Variants in SFRP1 observed in about 807,000 individuals in gnomAD.
SFRP1 encodes secreted frizzled-related protein 1.
Under a neutral mutation model 25.9 loss-of-function variants are expected in SFRP1, and 9 were observed. The ratio of observed to expected loss-of-function variants is 0.35; its 90% CI spans 0.21 to 0.61. SFRP1 has a LOEUF of 0.61. Among genes scored for constraint, SFRP1 ranks in the 20% least tolerant of loss-of-function variants. The pLI, the probability that SFRP1 is intolerant of heterozygous loss-of-function variation, is 0.78. For missense variants in SFRP1, 346 were observed against 418.2 expected (o/e 0.83, Z 1.51); for synonymous variants, 178 against 174.0 (o/e 1.02, Z -0.18).
chr8:41,308,235 A>G (rs561147092), intron 1 of SFRP1, among the ~76,000 whole-genome samples: 1 of 152,296 alleles, frequency 6.6e-6, no homozygotes, highest in South Asian at 2.1e-4. Flanking sequence ...TTCGATAGGG[A>G]CTCGGAGTCC....
At chr8:41,303,418 G>A (rs780289906) in intron 2 of SFRP1, 43 bp downstream of exon 2, 2 of 1,445,564 alleles carry the variant, frequency 1.4e-6, no homozygotes, top group Non-Finnish European at 1.9e-6. Context: ...CACAGACCAG[G>A]AGGTTCCAAA....
chr8:41,295,401 C>T (rs1317726395), intron 2 of SFRP1, among the ~76,000 whole-genome samples: 3 of 151,514 alleles, frequency 2.0e-5, no homozygotes, highest in Non-Finnish European at 4.4e-5. Flanking sequence ...TGGTGGTGGG[C>T]GCCTGTAATC....
rs886708168 is a variant in SFRP1 at position 41,309,227 on chromosome 8, C to T, written c.-68G>A. On this transcript the variant is annotated 5_prime_UTR_variant, in exon 1 of 3. Transcript: ENST00000220772. ...CGCCGCCTCCCCGCGCGCGTCCTGCCGCAAACTTCCAGGGACCTCCGGGGA... is the reference window on the plus strand; with the variant it reads ...CGCCGCCTCCCCGCGCGCGTCCTGCTGCAAACTTCCAGGGACCTCCGGGGA... 20 of 1,262,208 alleles carry T rather than the reference C, an allele frequency of 1.6e-5. No individual in the cohort carries two copies. Among genetic ancestry groups the T allele is most frequent in the Middle Eastern group, 3.0e-4 (1 of 3,290 alleles). 78.2% of individuals were successfully genotyped at this position (1,262,208 alleles called of 1,614,324 possible).
At chr8:41,265,752 C>A (rs946170351) in intron 2 of SFRP1, among the ~76,000 whole-genome samples, 19 of 152,176 alleles carry the variant, frequency 1.2e-4, no homozygotes, top group African/African-American at 4.6e-4. Context: ...TGTCGGCCAT[C>A]CTCCCTCATG....
intron 2 of SFRP1, among the ~76,000 whole-genome samples, chr8:41,302,966 T>C (rs528994209): frequency 1.3e-5 from 2 of 150,776 alleles, no homozygotes; most frequent in Admixed American, 6.6e-5. Context: ...CCCCTAAGCA[T>C]TGAACTCTCC....
intron 2 of SFRP1, chr8:41,275,228 T>A (rs1024236341): frequency 4.5e-6 from 2 of 447,920 alleles, no homozygotes; most frequent in Non-Finnish European, 8.9e-6. Context: ...TTATGATTCA[T>A]ACAGCAGTTC....
rs1803701074 is a variant in SFRP1, at chr8:41,286,339, G to A, written c.622+17122C>T. ...TCTACTCCTGTTCCGAGGCAGGGGC[G>A]GTTCCCGCTCAACCTTCCCACCGCC... On this transcript the variant is annotated intron_variant, in intron 2 of 2. Coordinates refer to ENST00000220772, the MANE Select transcript of SFRP1 (RefSeq NM_003012.5). Among the ~76,000 whole-genome samples the A allele has an allele frequency of 2.0e-5, 3 of 152,214 alleles. No individual in the cohort carries two copies. The East Asian group carries it at 5.8e-4, about 29-fold the overall frequency.
chr8:41,276,599 A>G (rs539222262), intron 2 of SFRP1, among the ~76,000 whole-genome samples: 1 of 152,324 alleles, frequency 6.6e-6, no homozygotes, highest in Non-Finnish European at 1.5e-5. Flanking sequence ...GCATACTTGG[A>G]TGCATTTGCT....
intron 2 of SFRP1, among the ~76,000 whole-genome samples, chr8:41,286,874 A>C (rs1047090929): frequency 6.6e-6 from 1 of 152,208 alleles, no homozygotes; most frequent in African/African-American, 2.4e-5. Context: ...AACACAGCCA[A>C]CTTCTGGAGA....
Position 41,263,014 on chromosome 8 carries a change from T to C in SFRP1, c.*2153A>G, listed in dbSNP as rs1171977979. On this transcript the variant is annotated 3_prime_UTR_variant, in exon 3 of 3. Transcript: ENST00000220772. ...ACCTGAGAATTCCCATTTAGAGAGC[T>C]GCACAGCACAGTCACCTGCTCTTCC... 6.6e-6 allele frequency: 1 copy of C among 152,236 alleles called. No homozygotes were observed. Among genetic ancestry groups the C allele is most frequent in the Non-Finnish European group, 1.5e-5 (1 of 68,030 alleles). The allele number at this position is 152,236 out of a possible 1,614,324, so 9.4% of individuals were successfully genotyped here.
chr8:41,303,606 A>G, intron 1 of SFRP1, 68 bp from the exon 2 acceptor site: 1 of 1,302,396 alleles, frequency 7.7e-7, no homozygotes, highest in Non-Finnish European at 1.1e-6. Context: ...CCCCTGGGGA[A>G]AAGATCGGCC....
At chr8:41,303,422 T>C in intron 2 of SFRP1, 39 bp downstream of exon 2, 1 of 1,499,190 alleles carries the variant, frequency 6.7e-7, no homozygotes, top group Non-Finnish European at 9.3e-7. Context: ...GACCAGGAGG[T>C]TCCAAACCTT....
At chr8:41,299,784 T>C (rs901562601) in intron 2 of SFRP1, among the ~76,000 whole-genome samples, 46 of 152,100 alleles carry the variant, frequency 3.0e-4, no homozygotes, top group African/African-American at 9.7e-4. Context: ...CAGGGACTAT[T>C]TGAGTGCAAA....
intron 1 of SFRP1, among the ~76,000 whole-genome samples, chr8:41,307,765 A>AT (rs1250074414): frequency 6.6e-6 from 1 of 152,056 alleles, no homozygotes; most frequent in Non-Finnish European, 1.5e-5. Context: ...CTCTTTAAAC[A>AT]TAAGGGGGTT....
chr8:41,267,345 A>G (rs571105305), intron 2 of SFRP1, among the ~76,000 whole-genome samples: 1 of 152,348 alleles, frequency 6.6e-6, no homozygotes, highest in South Asian at 2.1e-4. Context: ...GAGCGTGGAC[A>G]TGCTCTATAA....
Position 41,285,383 on chromosome 8 carries a change from C to T in SFRP1, c.622+18078G>A, listed in dbSNP as rs1051360074. 4.6e-5 allele frequency among the ~76,000 whole-genome samples: 7 copies of T among 152,264 alleles called. No individual in the cohort carries two copies. In the South Asian group the frequency reaches 1.2e-3, roughly 27 times the overall value. On this transcript the variant is annotated intron_variant, in intron 2 of 2. Transcript: ENST00000220772. Reference sequence around the variant, plus strand: ...CCGGAAGGGTGATGCCCCAGCCCCTCGGGTTCCAGCCCCATGGGCTCAATC... The same window carrying T: ...CCGGAAGGGTGATGCCCCAGCCCCTTGGGTTCCAGCCCCATGGGCTCAATC...
chr8:41,271,474 C>A, intron 2 of SFRP1: 3 of 186,152 alleles, frequency 1.6e-5, no homozygotes, highest in South Asian at 2.3e-4. Context: ...CAAAAAAATT[C>A]GGCCAGGGTT....
In SFRP1 at chr8:41,288,530, C is replaced by CAAAA. The variant is rs397893046; in HGVS notation, c.622+14927_622+14930dup. Reference sequence around the variant, plus strand: ...CCAGCCTGGGCAAAGAGACCCTGTCCAAAAAAAAAAAAAAAAAAAAAAAAA... The same window carrying CAAAA: ...CCAGCCTGGGCAAAGAGACCCTGTCCAAAAAAAAAAAAAAAAAAAAAAAAAAAAA... On this transcript the variant is annotated intron_variant, in intron 2 of 2. Coordinates refer to ENST00000220772, the MANE Select transcript of SFRP1 (RefSeq NM_003012.5). 1.0e-4 allele frequency among the ~76,000 whole-genome samples: 4 copies of CAAAA among 39,110 alleles called. 1 individual carries two copies. Among genetic ancestry groups the CAAAA allele is most frequent in the Admixed American group, 8.7e-4 (2 of 2,296 alleles). The allele number at this position is 39,110 out of a possible 152,430, so 25.7% of individuals were successfully genotyped here. A position where few individuals can be genotyped will look rare whatever the true frequency, so the allele number is the denominator to read the frequency against.
At position 41,265,138 on chromosome 8, in the gene SFRP1, GCT is replaced by G; in HGVS notation, c.*27_*28del. On this transcript the variant is annotated 3_prime_UTR_variant, in exon 3 of 3. Coordinates refer to ENST00000220772, the MANE Select transcript of SFRP1 (RefSeq NM_003012.5). ...CCCCCCCGCTCCCACCCCACCCGAGGCTCCCTCCCCACCCTGCCCCCGGGAGA... is the reference window on the plus strand; with the variant it reads ...CCCCCCCGCTCCCACCCCACCCGAGGCCCTCCCCACCCTGCCCCCGGGAGA... 2.0e-6 allele frequency: 1 copy of G among 508,948 alleles called. No homozygotes were observed. Among genetic ancestry groups the G allele is most frequent in the Non-Finnish European group, 3.3e-6 (1 of 302,256 alleles). The allele number at this position is 508,948 out of a possible 1,614,324, so 31.5% of individuals were successfully genotyped here.
Sources: gnomAD v4.1 joint callset for allele counts (sites outside exome capture counted in the v4.1 genomes callset) on GRCh38, gnomAD v4.1.1 for gene constraint, MANE v1.5 for transcripts, NCBI Gene and HGNC (gene_info 2026-07-23, HGNC 2026-07-21) for gene names.